ZNF469: variants seen among roughly 807,000 people sequenced by gnomAD.
ZNF469 encodes the protein zinc finger protein 469.
A neutral mutation model predicts 1.0 loss-of-function variants in ZNF469; 1 was observed. The ratio of observed to expected loss-of-function variants is 1.00; its 90% CI spans 0.35 to 4.73. The LOEUF is 4.73. Ranked by LOEUF, ZNF469 falls within the 30% of genes most tolerant of loss-of-function variation. ZNF469 has a pLI of 0.16. For missense variants in ZNF469, 6,100 were observed against 5,356.3 expected (o/e 1.14, Z -4.33); for synonymous variants, 2,703 against 2,363.4 (o/e 1.14, Z -4.17).
At chr16:88,214,253 G>C in the ZNF469 span, among the ~76,000 whole-genome samples, 1 of 152,220 alleles carries the variant, frequency 6.6e-6, no homozygotes, top group Non-Finnish European at 1.5e-5. Flanking sequence ...ACGCCCAGGG[G>C]TTTTCCGGTG....
the ZNF469 span, among the ~76,000 whole-genome samples, chr16:88,110,760 G>A: frequency 3.3e-5 from 5 of 152,240 alleles, no homozygotes; most frequent in African/African-American, 9.6e-5. Flanking sequence ...CCAACCCAGG[G>A]AGTGCTGTGC....
chr16:88,199,282 G>T, the ZNF469 span, among the ~76,000 whole-genome samples: 1 of 152,242 alleles, frequency 6.6e-6, no homozygotes, highest in South Asian at 2.1e-4. Context: ...GCAGGAACAG[G>T]TTAGAGCCAA....
chr16:88,159,308 A>G, the ZNF469 span, among the ~76,000 whole-genome samples: 2 of 151,952 alleles, frequency 1.3e-5, no homozygotes, highest in African/African-American at 4.8e-5. Context: ...GGCACTGCAG[A>G]TTGTGGAAAA....
chr16:88,159,930 G>T, the ZNF469 span, among the ~76,000 whole-genome samples: 22 of 152,326 alleles, frequency 1.4e-4, no homozygotes, highest in African/African-American at 5.3e-4. Context: ...TGCCTCCCCC[G>T]TCTGAACTGG....
chr16:88,310,446 C>A, the ZNF469 span, among the ~76,000 whole-genome samples: 9 of 152,130 alleles, frequency 5.9e-5, no homozygotes, highest in Non-Finnish European at 1.3e-4. Flanking sequence ...CTGCGTGCTG[C>A]CCCTTCTTCC....
In ZNF469 at chr16:88,383,218, G is replaced by A. The variant is rs951546901; in HGVS notation, c.-228G>A. On this transcript the variant is annotated 5_prime_UTR_variant, in exon 1 of 3. Coordinates refer to ENST00000565624, the MANE Select transcript of ZNF469 (RefSeq NM_001367624.2). ...CGCGGGCCGGGAGCTCGTTGGCGGC[G>A]GCCGGCGTGGCGGGCGGAGCGGGCC... 4.7e-5 allele frequency among the ~76,000 whole-genome samples: 7 copies of A among 147,398 alleles called. No individual in the cohort carries two copies. The highest frequency in any genetic ancestry group is 2.1e-4 in the South Asian group (1 of 4,824).
chr16:88,416,924 G>C (rs1408782184), intron 1 of ZNF469, among the ~76,000 whole-genome samples: 1 of 152,220 alleles, frequency 6.6e-6, no homozygotes, highest in Non-Finnish European at 1.5e-5. Context: ...CTACCCCAGG[G>C]CCTGGGACTG....
At chr16:88,226,978 C>T in the ZNF469 span, among the ~76,000 whole-genome samples, 1 of 151,594 alleles carries the variant, frequency 6.6e-6, no homozygotes, top group African/African-American at 2.4e-5. Context: ...CTCCTCCGCG[C>T]CGGGGCCTGC....
chr16:88,256,679 G>A, the ZNF469 span, among the ~76,000 whole-genome samples: 1 of 152,168 alleles, frequency 6.6e-6, no homozygotes, highest in African/African-American at 2.4e-5. Flanking sequence ...TCAGCAATGA[G>A]TGAGAGTTCC....
intron 1 of ZNF469, among the ~76,000 whole-genome samples, chr16:88,408,654 C>T (rs940812114): frequency 2.0e-5 from 3 of 152,316 alleles, no homozygotes; most frequent in South Asian, 2.1e-4. Context: ...GGTGTCTCCC[C>T]GCTTTCCTTC....
chr16:88,269,737 G>A, the ZNF469 span, among the ~76,000 whole-genome samples: 39 of 152,178 alleles, frequency 2.6e-4, no homozygotes, highest in African/African-American at 7.7e-4. Flanking sequence ...CACATTTGCC[G>A]GTTTTTCTGT....
At chr16:88,297,106 G>C in the ZNF469 span, among the ~76,000 whole-genome samples, 1 of 152,246 alleles carries the variant, frequency 6.6e-6, no homozygotes, top group Non-Finnish European at 1.5e-5. Context: ...CACCAAAACA[G>C]TGTCGCCACG....
chr16:88,124,592 GT>G, the ZNF469 span, among the ~76,000 whole-genome samples: 123,660 of 151,574 alleles, frequency 0.82, 51,084 homozygotes, highest in Middle Eastern at 0.91. Flanking sequence ...TTTGTTTTTG[GT>G]TTTTTTTTGA....
chr16:88,175,240 A>G, the ZNF469 span, among the ~76,000 whole-genome samples: 8 of 152,206 alleles, frequency 5.3e-5, no homozygotes, highest in Non-Finnish European at 2.9e-5. Flanking sequence ...CTGGGACTGT[A>G]ACCTCACCAA....
chr16:88,251,536 G>GTGTTTTTTTTTT, the ZNF469 span, among the ~76,000 whole-genome samples: 306 of 78,786 alleles, frequency 3.9e-3, 40 homozygotes, highest in Non-Finnish European at 5.2e-3. Context: ...TGTCCCTGCT[G>GTGTTTTTTTTTT]TCTTTTTTTT....
At chr16:88,363,863 T>C in the ZNF469 span, among the ~76,000 whole-genome samples, 1 of 152,216 alleles carries the variant, frequency 6.6e-6, no homozygotes, top group African/African-American at 2.4e-5. Context: ...CTGCAGTTGA[T>C]AGTTATTACC....
chr16:88,333,731 C>T, the ZNF469 span, among the ~76,000 whole-genome samples: 64 of 152,008 alleles, frequency 4.2e-4, no homozygotes, highest in African/African-American at 1.4e-3. Context: ...GATGCGGGCC[C>T]GCGAGGTGGG....
At chr16:88,416,424 A>G (rs1905302388) in intron 1 of ZNF469, among the ~76,000 whole-genome samples, 1 of 152,142 alleles carries the variant, frequency 6.6e-6, no homozygotes, top group Admixed American at 6.6e-5. Flanking sequence ...GACGACACCC[A>G]GGCCTCCCGT....
At chr16:88,174,057 G>A in the ZNF469 span, among the ~76,000 whole-genome samples, 1 of 152,068 alleles carries the variant, frequency 6.6e-6, no homozygotes, top group Non-Finnish European at 1.5e-5. Context: ...ACAATTGTAA[G>A]ATACAGTAAA....
Sources: allele counts gnomAD v4.1 joint callset (sites outside exome capture counted in the v4.1 genomes callset), GRCh38; gene constraint gnomAD v4.1.1; transcripts MANE v1.5; gene names NCBI Gene and HGNC (gene_info 2026-07-23, HGNC 2026-07-21).